DGKB: variants seen among roughly 807,000 people sequenced by gnomAD.
DGKB encodes the protein diacylglycerol kinase beta.
In DGKB, 67 loss-of-function variants were observed where a neutral mutation model predicts 114.3. That is an observed-to-expected ratio of 0.59 (90% CI 0.48 to 0.72). The LOEUF (loss-of-function observed/expected upper bound fraction) is 0.72, where lower values mean the gene tolerates loss of function less well. Ranked by LOEUF, DGKB falls within the 30% of genes least tolerant of loss-of-function variation. The pLI is 0.00. For missense variants in DGKB, 907 were observed against 975.2 expected, an observed-to-expected ratio of 0.93 and a Z score of 0.93; for synonymous variants, 398 against 323.1, an observed-to-expected ratio of 1.23 and a Z score of -2.49.
intron 23 of DGKB, among the ~76,000 whole-genome samples, chr7:14,283,705 C>G (rs1254086109): frequency 1.3e-5 from 2 of 151,992 alleles, no homozygotes; most frequent in Admixed American, 6.6e-5. Context: ...TGAGAAATAA[C>G]GCTGCATATC....
intron 22 of DGKB, among the ~76,000 whole-genome samples, chr7:14,344,712 T>C (rs1368572673): frequency 1.3e-5 from 2 of 151,368 alleles, no homozygotes; most frequent in Non-Finnish European, 3.0e-5. Context: ...ACAGTGTCTT[T>C]TTTTTTTACA....
At chr7:14,317,920 A>C (rs1403830907) in intron 23 of DGKB, among the ~76,000 whole-genome samples, 43 of 37,870 alleles carry the variant, frequency 1.1e-3, no homozygotes, top group Non-Finnish European at 1.8e-3. Context: ...ACAGCATGGT[A>C]CTGGTACCAA....
At chr7:14,714,317 A>G (rs1827846769) in intron 6 of DGKB, among the ~76,000 whole-genome samples, 1 of 152,126 alleles carries the variant, frequency 6.6e-6, no homozygotes, top group African/African-American at 2.4e-5. Context: ...GATGATAGAA[A>G]AGTTAACCCT....
chr7:14,669,316 C>T (rs1174657418), intron 13 of DGKB, among the ~76,000 whole-genome samples: 2 of 152,064 alleles, frequency 1.3e-5, no homozygotes, highest in South Asian at 2.1e-4. Flanking sequence ...ATTGTCCCAC[C>T]CAATATAAAA....
intron 21 of DGKB, among the ~76,000 whole-genome samples, chr7:14,394,366 T>A (rs1183197724): frequency 6.6e-6 from 1 of 152,200 alleles, no homozygotes; most frequent in Non-Finnish European, 1.5e-5. Flanking sequence ...TTGAATAGAT[T>A]TATTTTAGAC....
intron 13 of DGKB, among the ~76,000 whole-genome samples, chr7:14,671,633 C>A (rs571815689): frequency 2.0e-5 from 3 of 152,138 alleles, no homozygotes; most frequent in South Asian, 2.1e-4. Context: ...ATAAGTGGGC[C>A]AAGGAGGCAG....
chr7:14,492,567 T>G (rs181474586), intron 20 of DGKB, among the ~76,000 whole-genome samples: 1 of 152,188 alleles, frequency 6.6e-6, no homozygotes, highest in East Asian at 1.9e-4. Context: ...TTACAGGGAT[T>G]CACAGAATTA....
intron 21 of DGKB, among the ~76,000 whole-genome samples, chr7:14,359,002 T>C (rs902840085): frequency 1.3e-5 from 2 of 152,208 alleles, no homozygotes; most frequent in East Asian, 3.9e-4. Context: ...CAATCCATCC[T>C]AAGCAAAAAG....
chr7:14,737,301 T>C (rs1370437598), intron 4 of DGKB, among the ~76,000 whole-genome samples: 1 of 148,474 alleles, frequency 6.7e-6, no homozygotes, highest in Non-Finnish European at 1.5e-5. Context: ...TTTTTTTTTT[T>C]TTTTTTTTTT....
chr7:14,822,549 T>C (rs922853281), intron 2 of DGKB, among the ~76,000 whole-genome samples: 1 of 152,128 alleles, frequency 6.6e-6, no homozygotes, highest in Non-Finnish European at 1.5e-5. Flanking sequence ...TTAGCCTTAA[T>C]AGTTTTAGAG....
At chr7:14,526,025 T>A (rs1790584372) in intron 20 of DGKB, among the ~76,000 whole-genome samples, 1 of 152,190 alleles carries the variant, frequency 6.6e-6, no homozygotes. Context: ...TTATATTTTA[T>A]GTAACATTAG....
At chr7:14,969,615 C>CA (rs1477776950) in intron 1 of DGKB, among the ~76,000 whole-genome samples, 1 of 152,116 alleles carries the variant, frequency 6.6e-6, no homozygotes, top group Non-Finnish European at 1.5e-5. Flanking sequence ...GTAAACTAAG[C>CA]ATGCGAGGGA....
intron 20 of DGKB, among the ~76,000 whole-genome samples, chr7:14,483,161 A>G (rs1048704746): frequency 6.6e-6 from 1 of 152,068 alleles, no homozygotes; most frequent in African/African-American, 2.4e-5. Flanking sequence ...AATAACTGGA[A>G]CCTGGTAACT....
intron 21 of DGKB, among the ~76,000 whole-genome samples, chr7:14,438,695 C>T (rs889249120): frequency 6.6e-6 from 1 of 152,072 alleles, no homozygotes; most frequent in African/African-American, 2.4e-5. Context: ...TCAAATTAGA[C>T]CCAGACATTG....
chr7:14,588,234 T>A (rs186785678), intron 17 of DGKB, among the ~76,000 whole-genome samples: 71 of 152,230 alleles, frequency 4.7e-4, no homozygotes, highest in African/African-American at 1.6e-3. Context: ...TGCAAAAAAA[T>A]TTTACACGTC....
chr7:14,848,764 G>A (rs891451165), intron 1 of DGKB, among the ~76,000 whole-genome samples: 1 of 152,098 alleles, frequency 6.6e-6, no homozygotes, highest in Non-Finnish European at 1.5e-5. Context: ...GATGTATTAG[G>A]ACCATGATAT....
At chr7:14,778,093 A>G (rs144385295) in intron 2 of DGKB, among the ~76,000 whole-genome samples, 1 of 152,342 alleles carries the variant, frequency 6.6e-6, no homozygotes, top group East Asian at 1.9e-4. Flanking sequence ...ACTTACTTGC[A>G]TTGTAGTAGA....
chr7:14,560,156 T>A (rs975132567), intron 20 of DGKB, among the ~76,000 whole-genome samples: 2 of 152,152 alleles, frequency 1.3e-5, no homozygotes, highest in Non-Finnish European at 2.9e-5. Context: ...TTTCTCCTCT[T>A]TTTCTTTTTT....
rs565034279 is a variant in DGKB at position 14,858,197 on chromosome 7, C to T, written c.-187-16747G>A. On this transcript the variant is annotated intron_variant, in intron 1 of 25. Transcript: ENST00000402815. ...AACCAATTTTAGGGCTTCTCTTTTG[C>T]TTTAAATTGCCACAATACAATGCTG... Among the ~76,000 whole-genome samples, 3 of 152,220 alleles carry T rather than the reference C, an allele frequency of 2.0e-5. No individual in the cohort carries two copies. The East Asian group carries it at 5.8e-4, about 29-fold the overall frequency.
Sources: gnomAD v4.1 joint callset for allele counts (sites outside exome capture counted in the v4.1 genomes callset) on GRCh38, gnomAD v4.1.1 for gene constraint, MANE v1.5 for transcripts, NCBI Gene and HGNC (gene_info 2026-07-23, HGNC 2026-07-21) for gene names.